The following C10orf90 variants were observed in gnomAD, a reference collection of about 807,000 sequenced individuals.
C10orf90 encodes the protein chromosome 10 open reading frame 90, also known as (E2-independent) E3 ubiquitin-conjugating enzyme FATS.
A neutral mutation model predicts 62.5 loss-of-function variants in C10orf90; 56 were observed. The observed-to-expected ratio is 0.90, with a 90% confidence interval of 0.72 to 1.12. The LOEUF (loss-of-function observed/expected upper bound fraction) is 1.12, where lower values mean the gene tolerates loss of function less well. Ranked by LOEUF, C10orf90 falls within the 50% of genes most tolerant of loss-of-function variation. The pLI is 0.00. For missense variants in C10orf90, 970 were observed against 880.4 expected, an observed-to-expected ratio of 1.10 and a Z score of -1.29; for synonymous variants, 386 against 340.4, an observed-to-expected ratio of 1.13 and a Z score of -1.47.
rs76719979 is a variant in C10orf90 at position 126,519,907 on chromosome 10, C to T, written c.314-5968G>A. Among the ~76,000 whole-genome samples, 511 of 152,282 alleles carry T rather than the reference C, an allele frequency of 3.4e-3. 5 individuals carry two copies. Among genetic ancestry groups the T allele is most frequent in the African/African-American group, 0.011 (461 of 41,552 alleles). On this transcript the variant is annotated intron_variant, in intron 2 of 9. Transcript: ENST00000488181. The stretch of plus-strand genomic sequence containing the variant: ...GAGGCCAGATCCCCTCCGTGAGCAC[C>T]GCCTCAGAGGCCGGCTGCCTCCAAG...
At chr10:126,579,153 C>G (rs72839042) in intron 2 of C10orf90, among the ~76,000 whole-genome samples, 17,082 of 152,088 alleles carry the variant, frequency 0.11, 980 homozygotes, top group Admixed American at 0.12. Flanking sequence ...TACGCCATAT[C>G]CTTTCCTCTA....
At chr10:126,594,108 C>CTT (rs5788794) in intron 2 of C10orf90, among the ~76,000 whole-genome samples, 20,265 of 131,920 alleles carry the variant, frequency 0.15, 2,835 homozygotes, top group African/African-American at 0.38. Context: ...ACCAGGCTTG[C>CTT]TTTTTTTTTT....
chr10:126,512,372 CTGTGTG>C (rs779390627), intron 3 of C10orf90, among the ~76,000 whole-genome samples: 1,405 of 64,984 alleles, frequency 0.022, 16 homozygotes, highest in South Asian at 0.15. Flanking sequence ...GTATGTGTGT[CTGTGTG>C]TGTGTGTCTG....
intron 7 of C10orf90, among the ~76,000 whole-genome samples, chr10:126,451,592 T>C (rs1332122796): frequency 2.0e-5 from 3 of 151,990 alleles, no homozygotes; most frequent in Non-Finnish European, 2.9e-5. Flanking sequence ...GGTCTATTGA[T>C]ATATATATAT....
chr10:126,640,178 T>A (rs1484840408), intron 2 of C10orf90, among the ~76,000 whole-genome samples: 1 of 152,130 alleles, frequency 6.6e-6, no homozygotes, highest in Non-Finnish European at 1.5e-5. Context: ...CACGGCAGGG[T>A]GAATGCTAGC....
chr10:126,455,550 G>A (rs1859495992), intron 7 of C10orf90, among the ~76,000 whole-genome samples: 1 of 152,232 alleles, frequency 6.6e-6, no homozygotes. Context: ...ACGCTGAAGA[G>A]ATGGACAAAG....
chr10:126,595,004 TA>T (rs770418425), intron 2 of C10orf90, among the ~76,000 whole-genome samples: 30 of 152,266 alleles, frequency 2.0e-4, no homozygotes, highest in Non-Finnish European at 4.1e-4. Flanking sequence ...CACTCTACTT[TA>T]AAAGGTTTTT....
intron 4 of C10orf90, among the ~76,000 whole-genome samples, chr10:126,473,941 G>A (rs116704501): frequency 0.014 from 2,193 of 152,166 alleles, 49 homozygotes; most frequent in African/African-American, 0.049. Flanking sequence ...AGACCCACAC[G>A]GTTAGGTTTC....
chr10:126,579,208 CA>C (rs1347714448), intron 2 of C10orf90, among the ~76,000 whole-genome samples: 1 of 151,994 alleles, frequency 6.6e-6, no homozygotes, highest in Non-Finnish European at 1.5e-5. Flanking sequence ...CATTTACATA[CA>C]GGTGCTTCAG....
At chr10:126,473,768 G>A (rs922557536) in intron 4 of C10orf90, among the ~76,000 whole-genome samples, 3 of 152,068 alleles carry the variant, frequency 2.0e-5, no homozygotes, top group African/African-American at 7.2e-5. Context: ...GTAGACAGAT[G>A]CGTGGTAGCA....
At chr10:126,611,626 T>G (rs1845436795) in intron 2 of C10orf90, among the ~76,000 whole-genome samples, 1 of 152,232 alleles carries the variant, frequency 6.6e-6, no homozygotes, top group South Asian at 2.1e-4. Context: ...GGATTTTAAC[T>G]TCTTCAAACT....
intron 2 of C10orf90, among the ~76,000 whole-genome samples, chr10:126,625,885 T>A (rs1417016205): frequency 6.6e-6 from 1 of 151,684 alleles, no homozygotes; most frequent in Non-Finnish European, 1.5e-5. Flanking sequence ...GAAGCCGAGG[T>A]GGCAGGATGA....
Position 126,429,825 on chromosome 10 carries a change from C to T in C10orf90, c.2214G>A (p.Arg738=). Residue 738 remains arginine (R), a synonymous_variant, in exon 8 of 10, where the codon CGG becomes CGA. Transcript: ENST00000488181. ...LSDNLFKPKE[R]CISEKEMHMR... ...TATGCATCTCCTTCTCTGAAATGCACCGTTCTTTGGGTTTGAACAAGTTAT... is the reference window on the plus strand; with the variant it reads ...TATGCATCTCCTTCTCTGAAATGCATCGTTCTTTGGGTTTGAACAAGTTAT... 6.2e-7 allele frequency: 1 copy of T among 1,614,018 alleles called. No homozygotes were observed. The highest frequency in any genetic ancestry group is 8.5e-7 in the Non-Finnish European group (1 of 1,179,962).
intron 1 of C10orf90, among the ~76,000 whole-genome samples, chr10:126,667,983 T>G (rs1846667138): frequency 1.3e-5 from 2 of 152,278 alleles, no homozygotes; most frequent in South Asian, 4.1e-4. Context: ...GCTCTGCTCC[T>G]TGTTCCTATC....
chr10:126,502,650 C>T (rs1424128008), intron 4 of C10orf90: 2 of 345,694 alleles, frequency 5.8e-6, no homozygotes, highest in African/African-American at 2.2e-5. Context: ...CACACCATGA[C>T]ACATGGTTTA....
At chr10:126,582,101 C>A (rs1844764671) in intron 2 of C10orf90, among the ~76,000 whole-genome samples, 1 of 152,214 alleles carries the variant, frequency 6.6e-6, no homozygotes, top group African/African-American at 2.4e-5. Flanking sequence ...CCTGCAGCTG[C>A]TGTGGGACTT....
At chr10:126,466,837 C>T (rs939041394) in intron 4 of C10orf90, among the ~76,000 whole-genome samples, 3 of 152,240 alleles carry the variant, frequency 2.0e-5, no homozygotes, top group African/African-American at 7.2e-5. Context: ...AGACGTTTGA[C>T]TACCTATTAT....
chr10:126,642,335 A>G (rs2576006), intron 2 of C10orf90, among the ~76,000 whole-genome samples: 3,070 of 152,190 alleles, frequency 0.02, 55 homozygotes, highest in South Asian at 0.06. Flanking sequence ...GATCGAGACC[A>G]TCCTGGCTAA....
At chr10:126,510,811 A>C (rs113076990) in intron 3 of C10orf90, among the ~76,000 whole-genome samples, 1 of 152,262 alleles carries the variant, frequency 6.6e-6, no homozygotes, top group African/African-American at 2.4e-5. Context: ...TATTTCTAAG[A>C]AGGGCATAAT....
Sources: gnomAD v4.1 joint callset for allele counts (sites outside exome capture counted in the v4.1 genomes callset) on GRCh38, gnomAD v4.1.1 for gene constraint, MANE v1.5 for transcripts, NCBI Gene and HGNC (gene_info 2026-07-23, HGNC 2026-07-21) for gene names.